DCUN1D4: variants seen among roughly 807,000 people sequenced by gnomAD.
DCUN1D4 encodes defective in cullin neddylation 1 domain containing 4, also known as DCN1-like protein 4.
Under a neutral mutation model 47.9 loss-of-function variants are expected in DCUN1D4, and 22 were observed. The ratio of observed to expected loss-of-function variants is 0.46; its 90% CI spans 0.33 to 0.66. The LOEUF is 0.66. DCUN1D4 is among the 30% of genes least tolerant of loss of function. The pLI, the probability that DCUN1D4 is intolerant of heterozygous loss-of-function variation, is 0.02. For synonymous variants in DCUN1D4, 121 were observed against 112.2 expected (o/e 1.08, Z -0.50); for missense variants, 301 against 340.8 (o/e 0.88, Z 0.92).
chr4:51,838,750 G>A (rs1459070542), upstream of DCUN1D4, among the ~76,000 whole-genome samples: 1 of 152,136 alleles, frequency 6.6e-6, no homozygotes, highest in Non-Finnish European at 1.5e-5. Context: ...AATCTCTGAG[G>A]TATATAGGGG....
rs565315467 is a variant in DCUN1D4 at position 51,852,661 on chromosome 4, G to A, written c.25+9394G>A. On this transcript the variant is annotated intron_variant, in intron 1 of 10. Coordinates refer to ENST00000334635, the MANE Select transcript of DCUN1D4 (RefSeq NM_001040402.3). The stretch of plus-strand genomic sequence containing the variant: ...CTTCTACGTTCTAAATAATAATAGG[G>A]ATGAAAACAATTAACGTTGATTGGC... Among the ~76,000 whole-genome samples the A allele has an allele frequency of 2.8e-4, 43 of 152,252 alleles. No homozygotes were observed. In the South Asian group the frequency reaches 3.7e-3, roughly 13 times the overall value.
chr4:51,846,878 G>A (rs965061251), intron 1 of DCUN1D4, among the ~76,000 whole-genome samples: 1 of 152,282 alleles, frequency 6.6e-6, no homozygotes, highest in East Asian at 1.9e-4. Flanking sequence ...CCTCATGTTT[G>A]CAGTATGGTT....
chr4:51,855,059 A>C (rs1723919690), intron 1 of DCUN1D4, among the ~76,000 whole-genome samples: 1 of 152,202 alleles, frequency 6.6e-6, no homozygotes, highest in Non-Finnish European at 1.5e-5. Flanking sequence ...GAATAAAGCA[A>C]AAGGAAGTCC....
intron 8 of DCUN1D4, among the ~76,000 whole-genome samples, chr4:51,900,575 T>TA (rs1427828810): frequency 6.6e-6 from 1 of 151,948 alleles, no homozygotes; most frequent in African/African-American, 2.4e-5. Context: ...ACAAAACAAA[T>TA]AAAAAAATTT....
intron 1 of DCUN1D4, among the ~76,000 whole-genome samples, chr4:51,853,032 G>A (rs1178954681): frequency 2.0e-5 from 3 of 152,206 alleles, no homozygotes; most frequent in Non-Finnish European, 4.4e-5. Flanking sequence ...GTGGGTAGGT[G>A]GGGTGAGGAG....
intron 8 of DCUN1D4, among the ~76,000 whole-genome samples, chr4:51,901,182 C>T (rs756763760): frequency 3.3e-5 from 5 of 152,140 alleles, no homozygotes; most frequent in East Asian, 1.9e-4. Context: ...TTCCTGCTCC[C>T]CACAGCCTCT....
intron 7 of DCUN1D4, among the ~76,000 whole-genome samples, chr4:51,894,220 C>A (rs768107140): frequency 1.3e-5 from 2 of 152,128 alleles, no homozygotes; most frequent in African/African-American, 2.4e-5. Context: ...AAGTTGATGT[C>A]CTCATCAGTG....
intron 8 of DCUN1D4, among the ~76,000 whole-genome samples, chr4:51,905,783 AG>A (rs1422655444): frequency 6.6e-6 from 1 of 152,174 alleles, no homozygotes; most frequent in Non-Finnish European, 1.5e-5. Context: ...ATTGAGGGCC[AG>A]GTGAGAGCAG....
Position 51,916,044 on chromosome 4 carries a change from A to T in DCUN1D4, c.*2460A>T, listed in dbSNP as rs1380630886. The T allele has an allele frequency of 6.6e-6, 1 of 152,104 alleles. No individual in the cohort carries two copies. The highest frequency in any genetic ancestry group is 1.5e-5 in the Non-Finnish European group (1 of 67,998). 9.4% of individuals were successfully genotyped at this position (152,104 alleles called of 1,614,324 possible). A position where few individuals can be genotyped will look rare whatever the true frequency, so the allele number is the denominator to read the frequency against. On this transcript the variant is annotated 3_prime_UTR_variant, in exon 11 of 11. Coordinates refer to ENST00000334635, the MANE Select transcript of DCUN1D4 (RefSeq NM_001040402.3). The stretch of plus-strand genomic sequence containing the variant: ...GATACATTTTCTTAAAAACTTCTCT[A>T]AGTTGCACAAAACTGAACAATCATC...
chr4:51,861,416 G>C (rs569856693), intron 1 of DCUN1D4, among the ~76,000 whole-genome samples: 19 of 152,270 alleles, frequency 1.2e-4, no homozygotes, highest in Admixed American at 9.8e-4. Flanking sequence ...TGGAATTCCA[G>C]ATTGAGGATA....
intron 4 of DCUN1D4, among the ~76,000 whole-genome samples, chr4:51,876,805 G>C: frequency 6.6e-6 from 1 of 152,022 alleles, no homozygotes; most frequent in Non-Finnish European, 1.5e-5. Context: ...ACAGTCCCCT[G>C]CATATACTGG....
intron 5 of DCUN1D4, among the ~76,000 whole-genome samples, chr4:51,883,406 T>C (rs1239311267): frequency 6.6e-6 from 1 of 152,226 alleles, no homozygotes; most frequent in Non-Finnish European, 1.5e-5. Flanking sequence ...AATGAATTGA[T>C]GTGTAGTGTG....
At chr4:51,891,961 C>T in intron 7 of DCUN1D4, 110 bp downstream of exon 7, 1 of 809,446 alleles carries the variant, frequency 1.2e-6, no homozygotes, top group Non-Finnish European at 2.0e-6. Flanking sequence ...GTCAGGTGGT[C>T]TGGCCAAGCT....
At chr4:51,838,631 C>A (rs886939704), upstream of DCUN1D4, among the ~76,000 whole-genome samples, 2 of 152,192 alleles carry the variant, frequency 1.3e-5, no homozygotes, top group Admixed American at 1.3e-4. Flanking sequence ...GATCCACCCA[C>A]CTCAGCCTCC....
At chr4:51,853,418 A>G (rs1482138397) in intron 1 of DCUN1D4, among the ~76,000 whole-genome samples, 4 of 152,090 alleles carry the variant, frequency 2.6e-5, no homozygotes, top group Non-Finnish European at 4.4e-5. Flanking sequence ...GCTACTTTCA[A>G]TTCTTTTGGT....
chr4:51,905,321 G>A (rs1732712696), intron 8 of DCUN1D4: 3 of 408,486 alleles, frequency 7.3e-6, no homozygotes, highest in African/African-American at 2.0e-5. Flanking sequence ...TGACGTCCAG[G>A]CCAGTGTCCT....
intron 7 of DCUN1D4, among the ~76,000 whole-genome samples, chr4:51,893,531 T>A (rs1466647825): frequency 6.6e-6 from 1 of 152,100 alleles, no homozygotes; most frequent in Non-Finnish European, 1.5e-5. Context: ...GTTCAAGTGA[T>A]TCTTGTGCCC....
intron 3 of DCUN1D4, among the ~76,000 whole-genome samples, chr4:51,866,324 T>C (rs1373539750): frequency 2.0e-5 from 3 of 152,214 alleles, no homozygotes; most frequent in African/African-American, 7.2e-5. Context: ...CCCCCACTAG[T>C]AGTCCACGTT....
intron 1 of DCUN1D4, chr4:51,844,295 T>G: frequency 2.1e-6 from 2 of 973,990 alleles, no homozygotes; most frequent in Non-Finnish European, 2.4e-6. Flanking sequence ...GAGTCCAAGC[T>G]TCGGGGTGCG....
Sources: allele counts gnomAD v4.1 joint callset (sites outside exome capture counted in the v4.1 genomes callset), GRCh38; gene constraint gnomAD v4.1.1; transcripts MANE v1.5; gene names NCBI Gene and HGNC (gene_info 2026-07-23, HGNC 2026-07-21).